The following CIB4 variants were observed in gnomAD, a reference collection of about 807,000 sequenced individuals.
The protein encoded by CIB4 is calcium and integrin-binding family member 4.
Under a neutral mutation model 25.8 loss-of-function variants are expected in CIB4, and 25 were observed. That is an observed-to-expected ratio of 0.97 (90% CI 0.71 to 1.35). CIB4 has a LOEUF of 1.35. Among genes scored for constraint, CIB4 ranks in the 40% most tolerant of loss-of-function variants. The probability of loss-of-function intolerance (pLI) is 0.00; values close to 1 mark genes in which losing one functional copy is unlikely to be tolerated. For synonymous variants in CIB4, 75 were observed against 81.4 expected (o/e 0.92, Z 0.42); for missense variants, 235 against 228.2 (o/e 1.03, Z -0.19).
chr2:26,582,564 AG>A (rs1380654774), intron 6 of CIB4, among the ~76,000 whole-genome samples: 1 of 152,232 alleles, frequency 6.6e-6, no homozygotes, highest in Non-Finnish European at 1.5e-5. Context: ...CAGCTGGCAC[AG>A]GGAATGCTCT....
chr2:26,630,910 A>T (rs1240815858), intron 2 of CIB4, among the ~76,000 whole-genome samples: 1 of 151,938 alleles, frequency 6.6e-6, no homozygotes, highest in Admixed American at 6.5e-5. Context: ...CCACACCTAG[A>T]CTGTGAGAGT....
chr2:26,583,614 G>A lies in CIB4; in HGVS notation c.438+175C>T, dbSNP rs555761924. On this transcript the variant is annotated intron_variant, in intron 5 of 6. Coordinates refer to ENST00000288861, the MANE Select transcript of CIB4 (RefSeq NM_001029881.3). ...CCCATTCCTCAGGGCACCCTGAGCT[G>A]CCTGTCCCCTTGGCAGCCCCCAGGG... 5.6e-4 allele frequency among the ~76,000 whole-genome samples: 85 copies of A among 152,340 alleles called. 1 individual carries two copies. Among genetic ancestry groups the A allele is most frequent in the African/African-American group, 1.9e-3 (81 of 41,580 alleles).
intron 3 of CIB4, among the ~76,000 whole-genome samples, chr2:26,625,820 C>T (rs1189061583): frequency 6.6e-6 from 1 of 152,188 alleles, no homozygotes; most frequent in African/African-American, 2.4e-5. Context: ...ATGCATATGC[C>T]CTAAACGGCA....
intron 3 of CIB4, among the ~76,000 whole-genome samples, chr2:26,629,095 G>A (rs936545822): frequency 2.0e-5 from 3 of 152,182 alleles, no homozygotes; most frequent in African/African-American, 4.8e-5. Flanking sequence ...AGATGGGGCC[G>A]CCACCTCCCA....
At chr2:26,604,783 T>C (rs964412905) in intron 3 of CIB4, among the ~76,000 whole-genome samples, 12 of 152,182 alleles carry the variant, frequency 7.9e-5, no homozygotes, top group African/African-American at 2.9e-4. Context: ...AAAGGGTTTT[T>C]CCCCTCATTT....
At chr2:26,602,424 A>G (rs776663595) in intron 3 of CIB4, among the ~76,000 whole-genome samples, 2 of 152,244 alleles carry the variant, frequency 1.3e-5, no homozygotes, top group Non-Finnish European at 2.9e-5. Context: ...TACCACAAGT[A>G]TACAAAGAGT....
rs1350729095 is a variant in CIB4 at position 26,595,316 on chromosome 2, A to G, written c.188T>C (p.Val63Ala). 1 of 1,611,656 alleles carries G rather than the reference A, an allele frequency of 6.2e-7. No homozygotes were observed. Among genetic ancestry groups the G allele is most frequent in the East Asian group, 2.2e-5 (1 of 44,788 alleles). Reference sequence around the variant, plus strand: ...GCAGATACGGTCTCTGAAAGGGTTGACCTGTGGGCGACAGGAGGAGCAGGG... The same window carrying G: ...GCAGATACGGTCTCTGAAAGGGTTGGCCTGTGGGCGACAGGAGGAGCAGGG... ...DQVSSLPALR[V>A]NPFRDRICRV... is the part of the protein sequence containing the mutation. Residue 63 changes from valine (V) to alanine (A), a missense_variant and splice_region_variant, in exon 4 of 7, where the codon GTC (valine) becomes GCC (alanine). Physicochemically the swap from Val to Ala is moderately conservative, Grantham distance 64 (BLOSUM62 0). Transcript: ENST00000288861.
intron 3 of CIB4, among the ~76,000 whole-genome samples, chr2:26,608,666 G>A (rs1163450540): frequency 2.0e-5 from 3 of 152,182 alleles, no homozygotes; most frequent in Non-Finnish European, 4.4e-5. Flanking sequence ...GCGATGCGAT[G>A]GGGGCTGTGG....
At chr2:26,597,146 A>G (rs2148198906) in intron 3 of CIB4, among the ~76,000 whole-genome samples, 1 of 152,366 alleles carries the variant, frequency 6.6e-6, no homozygotes, top group Middle Eastern at 3.4e-3. Flanking sequence ...TGCTTATATT[A>G]CATACCTGGA....
At chr2:26,632,320 C>G (rs940442216) in intron 2 of CIB4, among the ~76,000 whole-genome samples, 4 of 152,122 alleles carry the variant, frequency 2.6e-5, no homozygotes, top group Non-Finnish European at 5.9e-5. Flanking sequence ...AGACTGCACA[C>G]GTTTGGGAGG....
intron 3 of CIB4, among the ~76,000 whole-genome samples, chr2:26,621,139 G>A (rs570204269): frequency 1.5e-3 from 228 of 151,438 alleles, no homozygotes; most frequent in African/African-American, 5.3e-3. Flanking sequence ...TGAGTTTCCA[G>A]ACTGAGTGGG....
intron 3 of CIB4, among the ~76,000 whole-genome samples, chr2:26,614,142 ATTGT>A (rs1669049173): frequency 6.6e-6 from 1 of 152,182 alleles, no homozygotes; most frequent in African/African-American, 2.4e-5. Flanking sequence ...CAGGAACGAT[ATTGT>A]TTATTTTTCT....
At chr2:26,585,291 G>A (rs1668429894) in intron 4 of CIB4, among the ~76,000 whole-genome samples, 1 of 148,006 alleles carries the variant, frequency 6.8e-6, no homozygotes, top group South Asian at 2.1e-4. Context: ...GGCAGGGACA[G>A]CAGCAGAGGA....
chr2:26,634,326 C>A (rs988381175), intron 2 of CIB4, among the ~76,000 whole-genome samples: 3 of 152,192 alleles, frequency 2.0e-5, no homozygotes, highest in Non-Finnish European at 2.9e-5. Context: ...CCTTCTTTAG[C>A]CTGAAAATGT....
intron 3 of CIB4, among the ~76,000 whole-genome samples, chr2:26,597,029 G>A (rs1205448515): frequency 1.3e-5 from 2 of 152,148 alleles, no homozygotes; most frequent in African/African-American, 4.8e-5. Context: ...TCAAGGTAAA[G>A]GTGACTCATT....
At chr2:26,617,536 G>T (rs956147446) in intron 3 of CIB4, among the ~76,000 whole-genome samples, 1 of 152,188 alleles carries the variant, frequency 6.6e-6, no homozygotes, top group African/African-American at 2.4e-5. Context: ...CTGTGAAAGT[G>T]CTTGCAACCA....
At chr2:26,583,659 A>T in intron 5 of CIB4, 130 bp downstream of exon 5, 1 of 681,148 alleles carries the variant, frequency 1.5e-6, no homozygotes. Context: ...ACCAAAGGCC[A>T]ATGTGTCATC....
At chr2:26,604,951 C>T (rs530646562) in intron 3 of CIB4, among the ~76,000 whole-genome samples, 1 of 152,228 alleles carries the variant, frequency 6.6e-6, no homozygotes, top group Non-Finnish European at 1.5e-5. Context: ...ACAGAACACG[C>T]CACCCCACAC....
intron 3 of CIB4, among the ~76,000 whole-genome samples, chr2:26,602,508 G>T (rs1193904676): frequency 6.6e-6 from 1 of 152,204 alleles, no homozygotes; most frequent in African/African-American, 2.4e-5. Context: ...GGGAAGGCTA[G>T]ATATGGTACT....
Sources: allele counts gnomAD v4.1 joint callset (sites outside exome capture counted in the v4.1 genomes callset), GRCh38; gene constraint gnomAD v4.1.1; transcripts MANE v1.5; gene names NCBI Gene and HGNC (gene_info 2026-07-23, HGNC 2026-07-21).